The following KCNH4 variants were observed in gnomAD, a reference collection of about 807,000 sequenced individuals.
The protein encoded by KCNH4 is potassium voltage-gated channel subfamily H member 4.
A neutral mutation model predicts 90.7 loss-of-function variants in KCNH4; 33 were observed. The ratio of observed to expected loss-of-function variants is 0.36; its 90% CI spans 0.28 to 0.49. KCNH4 has a LOEUF of 0.49. Among genes scored for constraint, KCNH4 ranks in the 20% least tolerant of loss-of-function variants. KCNH4 has a pLI of 0.98. For missense variants in KCNH4, 1,044 were observed against 1,387.1 expected, an observed-to-expected ratio of 0.75 and a Z score of 3.93; for synonymous variants, 551 against 581.7, an observed-to-expected ratio of 0.95 and a Z score of 0.76.
rs747462252 is a variant in KCNH4 at position 42,176,204 on chromosome 17, C to T, written c.679G>A (p.Ala227Thr). ...AGGAGGATAAGGCCGTCCCAGATGG[C>T]CTTGGAGACGCTGTAGTGGAGGAGG... ...CLLLHYSVSK[A>T]IWDGLILLAT... Residue 227 changes from alanine to threonine, a missense_variant, in exon 5 of 17, where the codon GCC becomes ACC. Ala to Thr is a moderately conservative substitution (Grantham distance 58). Transcript: ENST00000264661. The T allele has an allele frequency of 3.1e-6, 5 of 1,613,676 alleles. No homozygotes were observed. The African/African-American group carries it at 5.3e-5, about 17-fold the overall frequency.
Position 42,178,956 on chromosome 17 carries a change from G to T in KCNH4, c.147C>A (p.Phe49Leu), listed in dbSNP as rs1408726199. 1 of 1,614,252 alleles carries T rather than the reference G, an allele frequency of 6.2e-7. No homozygotes were observed. The highest frequency in any genetic ancestry group is 1.3e-5 in the African/African-American group (1 of 75,068). ...TGCGACCGTAGCCTGTGAGCTCGCA[G>T]AAGCCGTCGGAGCAGTAGACGATGG... Reference protein sequence around the residue: ...GFPIVYCSDGFCELTGYGRTE... With the variant: ...GFPIVYCSDGLCELTGYGRTE... Residue 49 changes from phenylalanine (F) to leucine (L), a missense_variant, in exon 2 of 17, where the codon TTC becomes TTA. Coordinates refer to ENST00000264661, the MANE Select transcript of KCNH4 (RefSeq NM_012285.3).
At chr17:42,161,937 C>T (rs1436016742) in intron 15 of KCNH4, among the ~76,000 whole-genome samples, 1 of 149,892 alleles carries the variant, frequency 6.7e-6, no homozygotes, top group South Asian at 2.1e-4. Flanking sequence ...ATCTAGCTAG[C>T]GTGAATATCT....
At position 42,170,318 on chromosome 17, in the gene KCNH4, T is replaced by C. The variant is rs1384416556; in HGVS notation, c.1196-17A>G. The C allele has an allele frequency of 1.3e-6, 2 of 1,568,692 alleles. No homozygotes were observed. The highest frequency in any genetic ancestry group is 1.4e-5 in the African/African-American group (1 of 73,314). On this transcript the variant is annotated splice_polypyrimidine_tract_variant and intron_variant, in intron 7 of 16. Transcript: ENST00000264661. Reference sequence around the variant, plus strand: ...GCAACCAGCCTGCAGGGTGGACGGATGCAGGGAGCCCTGGCTGTGCCAGCG... The same window carrying C: ...GCAACCAGCCTGCAGGGTGGACGGACGCAGGGAGCCCTGGCTGTGCCAGCG...
At chr17:42,175,909 G>A in intron 5 of KCNH4, 145 bp downstream of exon 5, 1 of 1,214,010 alleles carries the variant, frequency 8.2e-7, no homozygotes, top group Non-Finnish European at 1.2e-6. Flanking sequence ...GCGGGGAGCA[G>A]GACACATGGG....
chr17:42,170,334 T>C, intron 7 of KCNH4, 33 bp from the exon 8 acceptor site: 1 of 1,544,444 alleles, frequency 6.5e-7, no homozygotes, highest in South Asian at 1.2e-5. Context: ...GAGCCCTGGC[T>C]GTGCCAGCGG....
In KCNH4 at chr17:42,169,648, G is replaced by A. The variant is rs114067118; in HGVS notation, c.1419C>T (p.Asn473=). The A allele has an allele frequency of 3.9e-4, 626 of 1,613,922 alleles. 4 individuals are homozygous for A. The African/African-American group carries it at 7.3e-3, about 19-fold the overall frequency. Residue 473 remains asparagine (N), a synonymous_variant, in exon 9 of 17, where the codon AAC becomes AAT. Transcript: ENST00000264661. ...GALMHAVVFG[N]VTAIIQRMYS... ...ACATGCGCTGGATGATGGCTGTCACGTTCCCGAACACCACAGCGTGCATCA... is the reference window on the plus strand; with the variant it reads ...ACATGCGCTGGATGATGGCTGTCACATTCCCGAACACCACAGCGTGCATCA...
chr17:42,162,176 C>G, intron 15 of KCNH4, 72 bp downstream of exon 15: 1 of 1,361,586 alleles, frequency 7.3e-7, no homozygotes, highest in Non-Finnish European at 1.0e-6. Context: ...AAACTCCTGA[C>G]CTCAAGTGAG....
chr17:42,180,743 T>C lies in KCNH4; in HGVS notation c.76+127A>G, dbSNP rs2079895740. 4 of 935,912 alleles carry C rather than the reference T, an allele frequency of 4.3e-6. No individual in the cohort carries two copies. The South Asian group carries it at 6.1e-5, about 14-fold the overall frequency. 58.0% of individuals were successfully genotyped at this position (935,912 alleles called of 1,614,324 possible). ...TGTTCCTGCACCGCGGCTTTGGGAG[T>C]TCCTAGACCCGCACCTCCATTCTCT... On this transcript the variant is annotated intron_variant, in intron 1 of 16. Coordinates refer to ENST00000264661, the MANE Select transcript of KCNH4 (RefSeq NM_012285.3). This position sits in a 1 kb window ranked among gnomAD's most constrained non-coding sequence, Gnocchi z 4.7.
At chr17:42,160,659 G>A (rs1046794427) in intron 15 of KCNH4, among the ~76,000 whole-genome samples, 5 of 152,116 alleles carry the variant, frequency 3.3e-5, no homozygotes, top group Non-Finnish European at 5.9e-5. Context: ...ACACACACGC[G>A]CGCGCGAGCT....
In KCNH4 at chr17:42,175,685, A is replaced by T; in HGVS notation, c.881T>A (p.Ile294Asn). 1 of 1,614,120 alleles carries T rather than the reference A, an allele frequency of 6.2e-7. No individual in the cohort carries two copies. The highest frequency in any genetic ancestry group is 8.5e-7 in the Non-Finnish European group (1 of 1,180,022). Residue 294 changes from isoleucine (I) to asparagine (N), a missense_variant, in exon 6 of 17, where the codon ATC becomes AAC. By Grantham distance (149) the Ile-to-Asn change is moderately radical (BLOSUM62 -3). Around this residue, in one of 4 missense-constraint regions of KCNH4, gnomAD observed 318 missense variants for 479.6 expected, o/e 0.66. Transcript: ENST00000264661. ...GAGGCCAATGGAACGAGGAGCAGAG[A>T]TTACCTGGCCGGACTGGGACACATA... ...TTYVSQSGQV[I>N]SAPRSIGLHY...
intron 15 of KCNH4, 129 bp downstream of exon 15, chr17:42,162,119 A>T: frequency 5.5e-6 from 4 of 726,040 alleles, no homozygotes; most frequent in Non-Finnish European, 9.2e-6. Context: ...TAATTTTTGT[A>T]TTTTTTAGCA....
At chr17:42,179,926 A>C (rs1044476816) in intron 1 of KCNH4, among the ~76,000 whole-genome samples, 1 of 152,204 alleles carries the variant, frequency 6.6e-6, no homozygotes, top group African/African-American at 2.4e-5. Context: ...GACTCAGCTA[A>C]GAGATGGGGC....
intron 7 of KCNH4, 111 bp from the exon 8 acceptor site, chr17:42,170,412 C>T (rs2079819574): frequency 7.5e-6 from 7 of 931,894 alleles, no homozygotes; most frequent in Non-Finnish European, 1.1e-5. Flanking sequence ...CAGGTTGGCA[C>T]AGGAAATGTG....
chr17:42,162,258 A>G lies in KCNH4; in HGVS notation c.2648T>C (p.Leu883Pro). Residue 883 changes from leucine to proline, a missense_variant, in exon 15 of 17, where the codon CTG becomes CCG. By Grantham distance (98) the Leu-to-Pro change is moderately conservative. Transcript: ENST00000264661. ...AEEVKEKVCR[L>P]NQEISRLNQE... ...CCAGCCCCAACCCACCTCCTGGTTCAGCCGGCAAACCTTTTCCTTCACCTC... is the reference window on the plus strand; with the variant it reads ...CCAGCCCCAACCCACCTCCTGGTTCGGCCGGCAAACCTTTTCCTTCACCTC... The G allele has an allele frequency of 6.2e-7, 1 of 1,613,868 alleles. No individual in the cohort carries two copies. The highest frequency in any genetic ancestry group is 8.5e-7 in the Non-Finnish European group (1 of 1,179,868).
In KCNH4 at chr17:42,167,995, T is replaced by G. The variant is rs937929482; in HGVS notation, c.1591-1449A>C. ...GCGGGCTTATTGAGCCGCTTTCAGT[T>G]CCCTAAAGCGCTCACTCTGCTCTTT... On this transcript the variant is annotated intron_variant, in intron 9 of 16. Coordinates refer to ENST00000264661, the MANE Select transcript of KCNH4 (RefSeq NM_012285.3). Among the ~76,000 whole-genome samples, 12 of 152,152 alleles carry G rather than the reference T, an allele frequency of 7.9e-5. No homozygotes were observed. The South Asian group carries it at 1.0e-3, about 13-fold the overall frequency.
In KCNH4 at chr17:42,180,751, C is replaced by G; in HGVS notation, c.76+119G>C. The G allele has an allele frequency of 9.5e-7, 1 of 1,048,832 alleles. No individual in the cohort carries two copies. The highest frequency in any genetic ancestry group is 1.5e-6 in the Non-Finnish European group (1 of 688,162). The allele number at this position is 1,048,832 out of a possible 1,614,324, so 65.0% of individuals were successfully genotyped here. The stretch of plus-strand genomic sequence containing the variant: ...CACCGCGGCTTTGGGAGTTCCTAGA[C>G]CCGCACCTCCATTCTCTCCCCTCGC... On this transcript the variant is annotated intron_variant, in intron 1 of 16. Transcript: ENST00000264661. The surrounding 1 kb of genome is among the most constrained non-coding windows in gnomAD (Gnocchi z 4.7).
rs2079897354 is a variant in KCNH4, at chr17:42,180,978, GGGGA to G, written c.-37_-34del. On this transcript the variant is annotated 5_prime_UTR_variant, in exon 1 of 17. Coordinates refer to ENST00000264661, the MANE Select transcript of KCNH4 (RefSeq NM_012285.3). The surrounding 1 kb of genome is among the most constrained non-coding windows in gnomAD (Gnocchi z 4.7). The stretch of plus-strand genomic sequence containing the variant: ...GGGCGTGGGTTCAAGGCGCGGCGCT[GGGGA>G]GCTTTCAGCGCGGCCGGGCCGGAGG... The G allele has an allele frequency of 6.3e-7, 1 of 1,596,806 alleles. No homozygotes were observed.
In KCNH4 at chr17:42,163,697, G is replaced by T; in HGVS notation, c.2386C>A (p.His796Asn). The change falls in exon 13 of 17, where the codon CAC becomes AAC. Residue 796 changes from histidine (H) to asparagine (N), a missense_variant. His to Asn is a moderately conservative substitution (Grantham distance 68). Transcript: ENST00000264661. This position sits in a 1 kb window ranked among gnomAD's most constrained non-coding sequence, Gnocchi z 5.4. ...LAGQGHSASP[H>N]GPPRCSAAWK... ...GCAGCAGAGCACCTGGGGGGGCCGT[G>T]AGGGGAGGCACTGTGGCCCTGGCCA... 1 of 1,513,818 alleles carries T rather than the reference G, an allele frequency of 6.6e-7. No individual in the cohort carries two copies. Among genetic ancestry groups the T allele is most frequent in the Non-Finnish European group, 8.8e-7 (1 of 1,132,702 alleles). The allele number at this position is 1,513,818 out of a possible 1,614,324, so 93.8% of individuals were successfully genotyped here.
At chr17:42,176,570 TG>T (rs2144140724) in intron 4 of KCNH4, among the ~76,000 whole-genome samples, 1 of 131,416 alleles carries the variant, frequency 7.6e-6, no homozygotes, top group East Asian at 2.4e-4. Context: ...TTACCCAGGC[TG>T]GAGTGCAAGG....
Sources: gnomAD v4.1 joint callset for allele counts (sites outside exome capture counted in the v4.1 genomes callset) on GRCh38, gnomAD v4.1.1 for gene constraint, gnomAD v4.1.1 regional missense constraint, Gnocchi (gnomAD v3.1) non-coding constraint, MANE v1.5 for transcripts, NCBI Gene and HGNC (gene_info 2026-07-23, HGNC 2026-07-21) for gene names.